Variants in ROBO2 observed in about 807,000 individuals in gnomAD.
ROBO2 encodes the protein roundabout guidance receptor 2.
In ROBO2, 53 loss-of-function variants were observed where a neutral mutation model predicts 160.8. That is an observed-to-expected ratio of 0.33 (90% CI 0.26 to 0.41). The LOEUF (loss-of-function observed/expected upper bound fraction) is 0.41. Ranked by LOEUF, ROBO2 falls within the 10% of genes least tolerant of loss-of-function variation. ROBO2 has a pLI of 1.00. For missense variants in ROBO2, 1,577 were observed against 1,722.4 expected (o/e 0.92, Z 1.49); for synonymous variants, 664 against 611.7 (o/e 1.09, Z -1.26).
intron 2 of ROBO2, among the ~76,000 whole-genome samples, chr3:76,437,018 T>C (rs1455507015): frequency 2.0e-5 from 3 of 152,184 alleles, no homozygotes; most frequent in African/African-American, 4.8e-5. Context: ...TTAACAGCTG[T>C]TTTACTTAAT....
intron 2 of ROBO2, among the ~76,000 whole-genome samples, chr3:77,385,345 T>A (rs1176767504): frequency 1.3e-5 from 2 of 152,204 alleles, no homozygotes; most frequent in South Asian, 2.1e-4. Flanking sequence ...TGGAGTTTAT[T>A]TGCTTGTTTT....
chr3:76,552,662 C>T (rs2108374984), intron 2 of ROBO2, among the ~76,000 whole-genome samples: 1 of 152,274 alleles, frequency 6.6e-6, no homozygotes, highest in Non-Finnish European at 1.5e-5. Flanking sequence ...AGTGTGGAAA[C>T]TATGGCAAAC....
intron 2 of ROBO2, among the ~76,000 whole-genome samples, chr3:76,549,771 G>T (rs958121001): frequency 3.9e-5 from 6 of 152,134 alleles, no homozygotes; most frequent in Non-Finnish European, 1.5e-5. Flanking sequence ...GTTTGATTGG[G>T]ATTTGTCACC....
intron 2 of ROBO2, among the ~76,000 whole-genome samples, chr3:77,108,052 A>G (rs2073046574): frequency 6.6e-6 from 1 of 151,860 alleles, no homozygotes. Flanking sequence ...GGTATATTTG[A>G]TATAAACCAT....
At chr3:76,871,332 A>C (rs1304013604) in intron 2 of ROBO2, among the ~76,000 whole-genome samples, 5 of 151,886 alleles carry the variant, frequency 3.3e-5, no homozygotes, top group Non-Finnish European at 7.4e-5. Context: ...AGGCAGGCGG[A>C]TCACGAGGTC....
chr3:76,909,504 A>G lies in ROBO2; in HGVS notation c.110-188510A>G, dbSNP rs1467690198. The stretch of plus-strand genomic sequence containing the variant: ...GCACCCTAAAATCTCAGAACTCACC[A>G]CTGTACAACTCATTCATGTAACCAA... On this transcript the variant is annotated intron_variant, in intron 2 of 26. Coordinates refer to the ROBO2 transcript ENST00000487694. Among the ~76,000 whole-genome samples, 5 of 152,292 alleles carry G rather than the reference A, an allele frequency of 3.3e-5. No homozygotes were observed. In the East Asian group the frequency reaches 9.7e-4, roughly 29 times the overall value.
chr3:76,319,064 G>A (rs771772310), intron 2 of ROBO2, among the ~76,000 whole-genome samples: 12 of 152,142 alleles, frequency 7.9e-5, no homozygotes, highest in Non-Finnish European at 1.3e-4. Flanking sequence ...ATATTACATC[G>A]AAAGGCCATT....
intron 2 of ROBO2, among the ~76,000 whole-genome samples, chr3:77,027,156 G>A (rs2063018834): frequency 6.6e-6 from 1 of 152,132 alleles, no homozygotes; most frequent in African/African-American, 2.4e-5. Flanking sequence ...CTCAGTTGAA[G>A]CACTATTATT....
At chr3:77,564,557 T>G in intron 11 of ROBO2, 1 of 437,834 alleles carries the variant, frequency 2.3e-6, no homozygotes, top group Non-Finnish European at 4.5e-6. Flanking sequence ...CTGTAGTCCA[T>G]TTATTCTTTC....
At chr3:75,972,379 A>G (rs1423619601) in intron 2 of ROBO2, among the ~76,000 whole-genome samples, 3 of 151,638 alleles carry the variant, frequency 2.0e-5, no homozygotes, top group African/African-American at 4.8e-5. Context: ...CCTTGTTTCA[A>G]TGAAGGAAGC....
At chr3:76,368,627 C>T (rs971490103) in intron 2 of ROBO2, among the ~76,000 whole-genome samples, 3 of 151,926 alleles carry the variant, frequency 2.0e-5, no homozygotes, top group Admixed American at 2.0e-4. Flanking sequence ...CCAGACTGAC[C>T]GTTTCAAGAG....
At chr3:76,013,379 A>C (rs2066269378) in intron 2 of ROBO2, among the ~76,000 whole-genome samples, 1 of 148,602 alleles carries the variant, frequency 6.7e-6, no homozygotes, top group Non-Finnish European at 1.5e-5. Context: ...GGTATATATA[A>C]AGGCAATTGA....
At chr3:76,556,899 G>C (rs555363811) in intron 2 of ROBO2, among the ~76,000 whole-genome samples, 1 of 151,858 alleles carries the variant, frequency 6.6e-6, no homozygotes, top group African/African-American at 2.4e-5. Flanking sequence ...TCACCTTTTC[G>C]ATGTTTGTTC....
chr3:75,907,218 A>G (rs1415376514), intron 1 of ROBO2, among the ~76,000 whole-genome samples: 4 of 152,058 alleles, frequency 2.6e-5, no homozygotes, highest in Non-Finnish European at 5.9e-5. Context: ...CGCGTTATAT[A>G]TGTGTTTCTA....
chr3:75,923,881 CT>C (rs1947169949), intron 1 of ROBO2, among the ~76,000 whole-genome samples: 1 of 152,094 alleles, frequency 6.6e-6, no homozygotes. Context: ...GCTAAAGTTC[CT>C]TTTCTATTGT....
intron 2 of ROBO2, among the ~76,000 whole-genome samples, chr3:76,225,872 C>T (rs569270235): frequency 1.1e-4 from 17 of 152,102 alleles, no homozygotes; most frequent in Admixed American, 1.1e-3. Flanking sequence ...CTAAACATTG[C>T]AAGATACATT....
At chr3:77,090,391 T>C (rs1031704793) in intron 1 of ROBO2, among the ~76,000 whole-genome samples, 1 of 129,478 alleles carries the variant, frequency 7.7e-6, no homozygotes, top group African/African-American at 2.9e-5. Flanking sequence ...TTTCGCTCTG[T>C]GGCCCAGGCT....
intron 2 of ROBO2, among the ~76,000 whole-genome samples, chr3:76,783,173 C>T (rs750439207): frequency 3.3e-5 from 5 of 150,846 alleles, no homozygotes; most frequent in Non-Finnish European, 5.9e-5. Context: ...CCTGAACATA[C>T]ATTTTATGAT....
At chr3:76,585,442 GA>G (rs1208677506) in intron 2 of ROBO2, among the ~76,000 whole-genome samples, 1 of 152,168 alleles carries the variant, frequency 6.6e-6, no homozygotes, top group East Asian at 1.9e-4. Context: ...GCCAGAAACA[GA>G]ATCACCTAGA....
Sources: gnomAD v4.1 joint callset for allele counts (sites outside exome capture counted in the v4.1 genomes callset) on GRCh38, gnomAD v4.1.1 for gene constraint, MANE v1.5 for transcripts, NCBI Gene and HGNC (gene_info 2026-07-23, HGNC 2026-07-21) for gene names.